Variants in SENP1 observed in about 807,000 individuals in gnomAD.
SENP1 encodes the protein sentrin-specific protease 1.
A neutral mutation model predicts 93.0 loss-of-function variants in SENP1; 21 were observed. The observed-to-expected ratio is 0.23, with a 90% confidence interval of 0.16 to 0.33. The LOEUF (loss-of-function observed/expected upper bound fraction) is 0.33, where lower values mean the gene tolerates loss of function less well. SENP1 is among the 10% of genes least tolerant of loss of function. SENP1 has a pLI of 1.00. For missense variants in SENP1, 591 were observed against 758.7 expected (o/e 0.78, Z 2.60); for synonymous variants, 256 against 259.6 (o/e 0.99, Z 0.13).
In SENP1 at chr12:48,084,693, C is replaced by T. The variant is rs145438375; in HGVS notation, c.381-931G>A. Among the ~76,000 whole-genome samples the T allele has an allele frequency of 3.4e-4, 51 of 152,196 alleles. 1 individual carries two copies. The East Asian group carries it at 9.3e-3, about 28-fold the overall frequency. ...GAACTCCTGACCTCAGGTAATCCGC[C>T]GGCCTCAGCTTCCCAAAGTGCTGGG... On this transcript the variant is annotated intron_variant, in intron 5 of 17. Transcript: ENST00000549518.
chr12:48,070,800 G>T (rs1263980368), intron 9 of SENP1, among the ~76,000 whole-genome samples: 2 of 152,160 alleles, frequency 1.3e-5, no homozygotes, highest in African/African-American at 2.4e-5. Context: ...ATGGACTAAA[G>T]AACACAGCAG....
At chr12:48,048,191 G>T (rs1293768628) in intron 14 of SENP1, 111 bp from the exon 15 acceptor site, 5 of 667,482 alleles carry the variant, frequency 7.5e-6, no homozygotes, top group Non-Finnish European at 1.3e-5. Context: ...ACAAAATCAT[G>T]ACAAGTTTGA....
At chr12:48,061,649 C>T (rs1246805986) in intron 13 of SENP1, among the ~76,000 whole-genome samples, 1 of 152,134 alleles carries the variant, frequency 6.6e-6, no homozygotes, top group Non-Finnish European at 1.5e-5. Flanking sequence ...CTCAGGTGAT[C>T]CTCTCACCTT....
intron 6 of SENP1, among the ~76,000 whole-genome samples, chr12:48,083,349 A>G (rs1356541991): frequency 6.6e-6 from 1 of 152,248 alleles, no homozygotes; most frequent in Non-Finnish European, 1.5e-5. Context: ...GATTAAGTAA[A>G]GTCAGCTGTC....
intron 13 of SENP1, among the ~76,000 whole-genome samples, chr12:48,054,305 T>C (rs1282499128): frequency 6.6e-6 from 1 of 152,210 alleles, no homozygotes; most frequent in Non-Finnish European, 1.5e-5. Flanking sequence ...ATTAGGTGTG[T>C]ACATATTTAG....
intron 6 of SENP1, among the ~76,000 whole-genome samples, chr12:48,076,159 T>A (rs1944058237): frequency 6.6e-6 from 1 of 152,260 alleles, no homozygotes; most frequent in South Asian, 2.1e-4. Flanking sequence ...AATTTATTTT[T>A]AATCTTATAT....
intron 13 of SENP1, chr12:48,054,682 CG>C: frequency 6.6e-6 from 1 of 152,182 alleles, no homozygotes; most frequent in Non-Finnish European, 1.5e-5. Context: ...CCCAGCTACT[CG>C]GGGGGCTGGG....
At chr12:48,088,571 C>T in intron 5 of SENP1, 1 of 490,626 alleles carries the variant, frequency 2.0e-6, no homozygotes. Context: ...TCATATCCAC[C>T]AAGATTTACT....
chr12:48,054,029 G>GA (rs1942025347), intron 13 of SENP1, among the ~76,000 whole-genome samples: 2 of 152,160 alleles, frequency 1.3e-5, no homozygotes, highest in African/African-American at 4.8e-5. Context: ...GTCTTGGGGG[G>GA]AAAATAATAG....
chr12:48,074,311 A>T lies in SENP1; in HGVS notation c.940+13T>A. The T allele has an allele frequency of 1.2e-6, 2 of 1,601,140 alleles. No homozygotes were observed. The highest frequency in any genetic ancestry group is 2.7e-5 in the African/African-American group (2 of 74,772). On this transcript the variant is annotated intron_variant, in intron 8 of 17. Coordinates refer to ENST00000549518, the MANE Select transcript of SENP1 (RefSeq NM_001267594.2). ...TTAGGACTAAAAATGTAGTTATATG[A>T]TACCATGTTTACCTTCAGATTGTGT...
intron 10 of SENP1, 51 bp from the exon 11 acceptor site, chr12:48,065,731 A>G: frequency 4.2e-6 from 5 of 1,186,756 alleles, no homozygotes; most frequent in Non-Finnish European, 6.1e-6. Flanking sequence ...TCATTATGAA[A>G]CATATTGTTG....
intron 5 of SENP1, among the ~76,000 whole-genome samples, chr12:48,087,716 G>A (rs1199463384): frequency 6.6e-6 from 1 of 152,088 alleles, no homozygotes; most frequent in East Asian, 1.9e-4. Context: ...GTTAAGTGAG[G>A]AACATGATCC....
At chr12:48,074,210 A>T in intron 8 of SENP1, 114 bp downstream of exon 8, 1 of 919,866 alleles carries the variant, frequency 1.1e-6, no homozygotes, top group South Asian at 1.8e-5. Flanking sequence ...TCATATTTTC[A>T]GATTCGGTAT....
rs113890829 is a variant in SENP1 at position 48,054,308 on chromosome 12, A to G, written c.1408-5176T>C. Among the ~76,000 whole-genome samples, 434 of 152,312 alleles carry G rather than the reference A, an allele frequency of 2.8e-3. 3 individuals are homozygous for G. Among genetic ancestry groups the G allele is most frequent in the African/African-American group, 9.9e-3 (411 of 41,562 alleles). On this transcript the variant is annotated intron_variant, in intron 13 of 17. Transcript: ENST00000549518. ...CGAAGTTCTGTTATTAGGTGTGTACATATTTAGGTTGCTAAGCCTTCTTGA... is the reference window on the plus strand; with the variant it reads ...CGAAGTTCTGTTATTAGGTGTGTACGTATTTAGGTTGCTAAGCCTTCTTGA...
At chr12:48,090,525 CTGAA>C (rs1234687990) in intron 4 of SENP1, among the ~76,000 whole-genome samples, 2 of 152,192 alleles carry the variant, frequency 1.3e-5, no homozygotes, top group African/African-American at 4.8e-5. Flanking sequence ...AATGAAATTG[CTGAA>C]TGGTGTTCTA....
At chr12:48,077,750 A>G (rs1386057566) in intron 6 of SENP1, among the ~76,000 whole-genome samples, 1 of 151,512 alleles carries the variant, frequency 6.6e-6, no homozygotes, top group Non-Finnish European at 1.5e-5. Context: ...ACCCCACGAC[A>G]GGCATAACGG....
At chr12:48,047,122 C>G (rs1941430888) in intron 15 of SENP1, 60 bp from the exon 16 acceptor site, 1 of 1,046,896 alleles carries the variant, frequency 9.6e-7, no homozygotes, top group African/African-American at 1.6e-5. Context: ...AGCTGCCACA[C>G]TAAGAATGGG....
chr12:48,101,646 A>G (rs1454336474), intron 1 of SENP1, 130 bp from the exon 2 acceptor site: 3 of 565,848 alleles, frequency 5.3e-6, no homozygotes, highest in South Asian at 2.2e-5. Flanking sequence ...GGTGGTAAAG[A>G]GTTGACTTGA....
intron 1 of SENP1, among the ~76,000 whole-genome samples, chr12:48,104,356 T>C (rs1946286342): frequency 7.1e-6 from 1 of 140,350 alleles, no homozygotes; most frequent in Non-Finnish European, 1.5e-5. Flanking sequence ...ATTTATGATA[T>C]AAGAAGGGTG....
Sources: gnomAD v4.1 joint callset for allele counts (sites outside exome capture counted in the v4.1 genomes callset) on GRCh38, gnomAD v4.1.1 for gene constraint, MANE v1.5 for transcripts, NCBI Gene and HGNC (gene_info 2026-07-23, HGNC 2026-07-21) for gene names.